Variants in SLC9A1 observed in about 807,000 individuals in gnomAD.
The protein encoded by SLC9A1 is solute carrier family 9 member A1, also known as sodium/hydrogen exchanger 1.
Under a neutral mutation model 67.9 loss-of-function variants are expected in SLC9A1, and 22 were observed. The observed-to-expected ratio is 0.32, with a 90% confidence interval of 0.23 to 0.46. The LOEUF is 0.46. SLC9A1 is among the 20% of genes least tolerant of loss of function. SLC9A1 has a pLI of 1.00. For synonymous variants in SLC9A1, 421 were observed against 471.8 expected (o/e 0.89, Z 1.40); for missense variants, 686 against 1,094.8 (o/e 0.63, Z 5.27).
In SLC9A1 at chr1:27,155,039, A is replaced by G. The variant is rs7542969; in HGVS notation, c.-705T>C. The G allele has an allele frequency of 0.34, 51,946 of 152,092 alleles. 9,258 individuals carry two copies. The highest frequency in any genetic ancestry group is 0.38 in the African/African-American group (15,691 of 41,446). The allele number at this position is 152,092 out of a possible 1,614,324, so 9.4% of individuals were successfully genotyped here. A position where few individuals can be genotyped will look rare whatever the true frequency, so the allele number is the denominator to read the frequency against. ...CGCCCCTCCTCGCGGCCCTGGCGCG[A>G]CGCGGCGCTCCGCCCCGGCCCAGCT... On this transcript the variant is annotated 5_prime_UTR_variant, in exon 1 of 12. Transcript: ENST00000263980. The surrounding 1 kb of genome is among the most constrained non-coding windows in gnomAD (Gnocchi z 4.5).
At chr1:27,134,075 A>G (rs991235456) in intron 1 of SLC9A1, among the ~76,000 whole-genome samples, 1 of 151,992 alleles carries the variant, frequency 6.6e-6, no homozygotes, top group Admixed American at 6.6e-5. Context: ...AGCCCTGGAC[A>G]TTTTCTAAAG....
chr1:27,106,554 G>A lies in SLC9A1; in HGVS notation c.1283-467C>T, dbSNP rs372131984. Among the ~76,000 whole-genome samples the A allele has an allele frequency of 6.6e-6, 1 of 152,212 alleles. No homozygotes were observed. The highest frequency in any genetic ancestry group is 1.9e-4 in the East Asian group (1 of 5,184). The stretch of plus-strand genomic sequence containing the variant: ...TGGAGGATGAGGCTCAGGAATAAAG[G>A]GGATTTCAAAAGTGCACCAAATAAA... On this transcript the variant is annotated intron_variant, in intron 4 of 11. Coordinates refer to ENST00000263980, the MANE Select transcript of SLC9A1 (RefSeq NM_003047.5). The surrounding 1 kb of genome is among the most constrained non-coding windows in gnomAD (Gnocchi z 4.3).
Position 27,114,288 on chromosome 1 carries a change from T to G in SLC9A1, c.353-2A>C. On this transcript the variant is annotated splice_acceptor_variant, in intron 1 of 11. Coordinates refer to ENST00000263980, the MANE Select transcript of SLC9A1 (RefSeq NM_003047.5). LOFTEE classifies it high-confidence loss of function. This position sits in a 1 kb window ranked among gnomAD's most constrained non-coding sequence, Gnocchi z 5.4. Reference sequence around the variant, plus strand: ...AGATAGTGGGGATCACATGGAAACCTGCGGAGGGCGAGAGAACGGGAGGCC... The same window carrying G: ...AGATAGTGGGGATCACATGGAAACCGGCGGAGGGCGAGAGAACGGGAGGCC... 1 of 1,603,348 alleles carries G rather than the reference T, an allele frequency of 6.2e-7. No homozygotes were observed. Among genetic ancestry groups the G allele is most frequent in the Non-Finnish European group, 8.5e-7 (1 of 1,171,696 alleles).
At chr1:27,152,507 A>T (rs146490231) in intron 1 of SLC9A1, among the ~76,000 whole-genome samples, 1 of 152,286 alleles carries the variant, frequency 6.6e-6, no homozygotes, top group East Asian at 1.9e-4. Flanking sequence ...TGGTGTGGTC[A>T]AATTGAGAGT....
chr1:27,141,069 G>T (rs867743453), intron 1 of SLC9A1, among the ~76,000 whole-genome samples: 1 of 152,088 alleles, frequency 6.6e-6, no homozygotes, highest in African/African-American at 2.4e-5. Flanking sequence ...TTAGCCAGGC[G>T]TGGTGGCACA....
chr1:27,132,549 C>G (rs573830450), intron 1 of SLC9A1, among the ~76,000 whole-genome samples: 1 of 152,108 alleles, frequency 6.6e-6, no homozygotes, highest in African/African-American at 2.4e-5. Context: ...AATGAAGATG[C>G]CTCTCCCCTC....
At chr1:27,141,305 A>C (rs1385750917) in intron 1 of SLC9A1, among the ~76,000 whole-genome samples, 1 of 152,246 alleles carries the variant, frequency 6.6e-6, no homozygotes, top group African/African-American at 2.4e-5. Flanking sequence ...CAGGTCTGTC[A>C]AGCTGCAAAG....
chr1:27,144,162 C>A (rs2083467984), intron 1 of SLC9A1, among the ~76,000 whole-genome samples: 1 of 152,230 alleles, frequency 6.6e-6, no homozygotes, highest in Non-Finnish European at 1.5e-5. Flanking sequence ...CCAGGTACAA[C>A]TATAAATTAA....
chr1:27,100,133 C>T lies in SLC9A1; in HGVS notation c.*174G>A, dbSNP rs200099613. 333 of 484,988 alleles carry T rather than the reference C, an allele frequency of 6.9e-4. 2 individuals carry two copies. The East Asian group carries it at 9.8e-3, about 14-fold the overall frequency. 30.0% of individuals were successfully genotyped at this position (484,988 alleles called of 1,614,324 possible). A position where few individuals can be genotyped will look rare whatever the true frequency, so the allele number is the denominator to read the frequency against. On this transcript the variant is annotated 3_prime_UTR_variant, in exon 12 of 12. Transcript: ENST00000263980. The surrounding 1 kb of genome is among the most constrained non-coding windows in gnomAD (Gnocchi z 5.6). ...CAGCTCTGGTGGGGAGGATGCTTCC[C>T]GGGAGGCGGCAGGGGAGGAGCTGTG...
chr1:27,102,186 C>A, intron 8 of SLC9A1, 56 bp from the exon 9 acceptor site: 1 of 1,485,986 alleles, frequency 6.7e-7, no homozygotes, highest in Non-Finnish European at 9.4e-7. Context: ...CTGGTGCCTC[C>A]CAGGTTTGGC....
intron 6 of SLC9A1, 34 bp from the exon 7 acceptor site, chr1:27,102,777 T>G (rs1281014476): frequency 1.9e-6 from 3 of 1,595,876 alleles, no homozygotes; most frequent in Non-Finnish European, 2.6e-6. Flanking sequence ...CAAGCCTCGC[T>G]GTGGGGCGCC....
intron 1 of SLC9A1, among the ~76,000 whole-genome samples, chr1:27,138,628 C>T (rs1337889059): frequency 3.3e-5 from 5 of 151,976 alleles, no homozygotes; most frequent in African/African-American, 9.7e-5. Context: ...AGCACCGGCG[C>T]GAGGCAGTCT....
intron 1 of SLC9A1, among the ~76,000 whole-genome samples, chr1:27,145,539 G>A (rs2083479822): frequency 6.6e-6 from 1 of 152,174 alleles, no homozygotes; most frequent in South Asian, 2.1e-4. Flanking sequence ...GTGAACTTGT[G>A]GGCTCTAACA....
rs765426609 is a variant in SLC9A1, at chr1:27,102,631, T to TTGCCTGCCCCTCCC, written c.1646+28_1646+41dup. 3.1e-6 allele frequency: 5 copies of TTGCCTGCCCCTCCC among 1,611,756 alleles called. No homozygotes were observed. The South Asian group carries it at 5.5e-5, about 18-fold the overall frequency. ...GGAGATGCCCAGGCCCAGGAGACCCTTGCCTGCCCCTCCCTGCCTGCCCAC... is the reference window on the plus strand; with the variant it reads ...GGAGATGCCCAGGCCCAGGAGACCCTTGCCTGCCCCTCCCTGCCTGCCCCTCCCTGCCTGCCCAC... On this transcript the variant is annotated intron_variant, in intron 7 of 11. Coordinates refer to ENST00000263980, the MANE Select transcript of SLC9A1 (RefSeq NM_003047.5).
Position 27,099,248 on chromosome 1 carries a change from GAAGT to G in SLC9A1, c.*1055_*1058del, listed in dbSNP as rs1424869040. 2 of 153,282 alleles carry G rather than the reference GAAGT, an allele frequency of 1.3e-5. No homozygotes were observed. The highest frequency in any genetic ancestry group is 2.4e-5 in the African/African-American group (1 of 41,490). The allele number at this position is 153,282 out of a possible 1,614,324, so 9.5% of individuals were successfully genotyped here. A position where few individuals can be genotyped will look rare whatever the true frequency, so the allele number is the denominator to read the frequency against. On this transcript the variant is annotated 3_prime_UTR_variant, in exon 12 of 12. Coordinates refer to ENST00000263980, the MANE Select transcript of SLC9A1 (RefSeq NM_003047.5). ...TCCAGGGGCCAAACCCAGGGTGGGGGAAGTAAGAGCAGGCCAGCAGGACTGGAGG... is the reference window on the plus strand; with the variant it reads ...TCCAGGGGCCAAACCCAGGGTGGGGGAAGAGCAGGCCAGCAGGACTGGAGG...
intron 2 of SLC9A1, among the ~76,000 whole-genome samples, chr1:27,113,136 G>A (rs1474079973): frequency 6.6e-6 from 1 of 152,088 alleles, no homozygotes; most frequent in African/African-American, 2.4e-5. Context: ...CACAGAGAGT[G>A]TAAGTAATTT....
Position 27,101,944 on chromosome 1 carries a change from G to A in SLC9A1, c.1935+72C>T. ...GGTGGGTGCCGAGGGGCACGGGCAG[G>A]GCAGGGCTGCCGTAGAGAGGGGCTG... On this transcript the variant is annotated intron_variant, in intron 9 of 11. Coordinates refer to ENST00000263980, the MANE Select transcript of SLC9A1 (RefSeq NM_003047.5). This position sits in a 1 kb window ranked among gnomAD's most constrained non-coding sequence, Gnocchi z 4.9. 1.4e-6 allele frequency: 2 copies of A among 1,440,616 alleles called. No homozygotes were observed. Among genetic ancestry groups the A allele is most frequent in the East Asian group, 2.3e-5 (1 of 44,072 alleles). 89.2% of individuals were successfully genotyped at this position (1,440,616 alleles called of 1,614,324 possible). A position where few individuals can be genotyped will look rare whatever the true frequency, so the allele number is the denominator to read the frequency against.
chr1:27,114,031 A>G lies in SLC9A1; in HGVS notation c.608T>C (p.Phe203Ser). The G allele has an allele frequency of 2.5e-6, 4 of 1,614,124 alleles. No homozygotes were observed. Among genetic ancestry groups the G allele is most frequent in the Non-Finnish European group, 3.4e-6 (4 of 1,180,042 alleles). Residue 203 changes from phenylalanine to serine, a missense_variant, in exon 2 of 12, where the codon TTC (phenylalanine) becomes TCC (serine). Transcript: ENST00000263980. The surrounding 1 kb of genome is among the most constrained non-coding windows in gnomAD (Gnocchi z 5.4). ...AVVGTLWNAF[F>S]LGGLMYAVCL... ...CACGGCGTACATGAGGCCGCCCAGG[A>G]AGAAGGCGTTCCACAGCGTGCCCAC...
intron 6 of SLC9A1, 92 bp from the exon 7 acceptor site, chr1:27,102,835 G>T: frequency 8.8e-7 from 1 of 1,138,292 alleles, no homozygotes; most frequent in Admixed American, 2.0e-5. Context: ...CGTAGCTGCA[G>T]CCCTGCTGGG....
Sources: allele counts gnomAD v4.1 joint callset (sites outside exome capture counted in the v4.1 genomes callset), GRCh38; gene constraint gnomAD v4.1.1; non-coding constraint Gnocchi (gnomAD v3.1); transcripts MANE v1.5; gene names NCBI Gene and HGNC (gene_info 2026-07-23, HGNC 2026-07-21).